The following PDE1A variants were observed in gnomAD, a reference collection of about 807,000 sequenced individuals.
PDE1A encodes the protein dual specificity calcium/calmodulin-dependent 3',5'-cyclic nucleotide phosphodiesterase 1A.
Under a neutral mutation model 61.7 loss-of-function variants are expected in PDE1A, and 35 were observed. The observed-to-expected ratio is 0.57, with a 90% CI of 0.43 to 0.75. PDE1A has a LOEUF of 0.75. Ranked by LOEUF, PDE1A falls within the 30% of genes least tolerant of loss-of-function variation. The pLI is 0.00. For synonymous variants in PDE1A, 232 were observed against 213.2 expected, an observed-to-expected ratio of 1.09 and a Z score of -0.77; for missense variants, 597 against 630.6, an observed-to-expected ratio of 0.95 and a Z score of 0.57.
chr2:182,442,137 A>G lies in PDE1A; in HGVS notation c.101+80139T>C, dbSNP rs180700634. Among the ~76,000 whole-genome samples, 65 of 152,220 alleles carry G rather than the reference A, an allele frequency of 4.3e-4. 1 individual carries two copies. The East Asian group carries it at 9.1e-3, about 21-fold the overall frequency. ...GGAATATTACTGGTATTGCATCACT[A>G]TTAGGACAAACTAGGATTAATTATG... On this transcript the variant is annotated intron_variant, in intron 2 of 14. Transcript: ENST00000410103.
At chr2:182,313,493 T>C (rs1035783466) in intron 1 of PDE1A, among the ~76,000 whole-genome samples, 1 of 152,210 alleles carries the variant, frequency 6.6e-6, no homozygotes, top group Non-Finnish European at 1.5e-5. Flanking sequence ...TCCTTTCTAA[T>C]CCAGATTTTT....
At chr2:182,704,876 C>A in the PDE1A span, among the ~76,000 whole-genome samples, 2 of 152,102 alleles carry the variant, frequency 1.3e-5, no homozygotes, top group Non-Finnish European at 2.9e-5. Context: ...CTCACAAAGC[C>A]CTGGAAAGAA....
intron 1 of PDE1A, among the ~76,000 whole-genome samples, chr2:182,273,889 A>T (rs1262491851): frequency 2.0e-5 from 3 of 152,118 alleles, no homozygotes; most frequent in Non-Finnish European, 4.4e-5. Context: ...AATGGTTAAA[A>T]GTGGTATATT....
At chr2:182,184,035 A>C (rs1458419605) in intron 13 of PDE1A, among the ~76,000 whole-genome samples, 1 of 151,406 alleles carries the variant, frequency 6.6e-6, no homozygotes, top group African/African-American at 2.4e-5. Flanking sequence ...AGAAAGAAAG[A>C]AAGAAAGAAA....
At chr2:182,579,854 G>T in the PDE1A span, among the ~76,000 whole-genome samples, 1 of 152,112 alleles carries the variant, frequency 6.6e-6, no homozygotes, top group Non-Finnish European at 1.5e-5. Context: ...AACACAAATG[G>T]AGGGCATTAA....
intron 2 of PDE1A, among the ~76,000 whole-genome samples, chr2:182,470,693 C>T (rs937820795): frequency 6.6e-6 from 1 of 151,728 alleles, no homozygotes; most frequent in Non-Finnish European, 1.5e-5. Flanking sequence ...GGGAAGAAGT[C>T]ATCCTGTGAA....
intron 2 of PDE1A, among the ~76,000 whole-genome samples, chr2:182,472,179 C>T (rs1687068632): frequency 6.6e-6 from 1 of 151,704 alleles, no homozygotes; most frequent in Non-Finnish European, 1.5e-5. Context: ...AAGGAATGAC[C>T]ATATGATTCA....
chr2:182,715,394 A>T, the PDE1A span, among the ~76,000 whole-genome samples: 2 of 152,082 alleles, frequency 1.3e-5, no homozygotes, highest in African/African-American at 2.4e-5. Context: ...CTTCTTTCCT[A>T]CCAAGTATTA....
At chr2:182,218,558 C>A (rs1688440279) in intron 7 of PDE1A, among the ~76,000 whole-genome samples, 1 of 143,114 alleles carries the variant, frequency 7.0e-6, no homozygotes. Flanking sequence ...ATCTTCCTAA[C>A]TTTTATCTCC....
At chr2:182,282,065 C>T (rs1026567720) in intron 1 of PDE1A, among the ~76,000 whole-genome samples, 2 of 151,922 alleles carry the variant, frequency 1.3e-5, no homozygotes, top group Non-Finnish European at 2.9e-5. Flanking sequence ...AGAATGATGA[C>T]AGTTTAATCT....
At chr2:182,640,197 A>C in the PDE1A span, among the ~76,000 whole-genome samples, 1 of 152,236 alleles carries the variant, frequency 6.6e-6, no homozygotes, top group Admixed American at 6.5e-5. Context: ...AGAACTCAGG[A>C]ATGTTGGTTC....
intron 1 of PDE1A, among the ~76,000 whole-genome samples, chr2:182,400,250 T>C (rs1559421070): frequency 6.6e-6 from 1 of 152,314 alleles, no homozygotes; most frequent in Middle Eastern, 3.4e-3. Flanking sequence ...GAGCAGATCC[T>C]GAGCAAACTG....
intron 7 of PDE1A, among the ~76,000 whole-genome samples, chr2:182,209,294 T>A (rs1687376504): frequency 6.6e-6 from 1 of 151,848 alleles, no homozygotes; most frequent in South Asian, 2.1e-4. Flanking sequence ...TATCCAACCA[T>A]CAAATCTCGT....
intron 7 of PDE1A, among the ~76,000 whole-genome samples, chr2:182,221,890 A>C (rs1370100533): frequency 6.6e-6 from 1 of 152,050 alleles, no homozygotes; most frequent in Non-Finnish European, 1.5e-5. Context: ...TTCTATTTTT[A>C]GATGACGGAT....
intron 1 of PDE1A, among the ~76,000 whole-genome samples, chr2:182,382,383 T>G (rs969721836): frequency 1.3e-5 from 2 of 152,242 alleles, no homozygotes; most frequent in Non-Finnish European, 2.9e-5. Context: ...AGGTAGCCCC[T>G]GACTAACAAC....
At chr2:182,528,320 G>C in the PDE1A span, among the ~76,000 whole-genome samples, 1 of 152,200 alleles carries the variant, frequency 6.6e-6, no homozygotes, top group African/African-American at 2.4e-5. Context: ...TTTTAGCAAA[G>C]AGACTGGTGG....
chr2:182,424,047 C>T (rs913112577), intron 1 of PDE1A, among the ~76,000 whole-genome samples: 26 of 150,746 alleles, frequency 1.7e-4, no homozygotes, highest in African/African-American at 4.7e-4. Context: ...AGAGCTCAAG[C>T]GATTCTCATG....
chr2:182,649,372 T>C, the PDE1A span, among the ~76,000 whole-genome samples: 32 of 152,114 alleles, frequency 2.1e-4, no homozygotes, highest in African/African-American at 7.2e-4. Context: ...AGCCTACAAA[T>C]AGGAATAAAG....
chr2:182,377,610 A>T (rs4643498), intron 1 of PDE1A, among the ~76,000 whole-genome samples: 1 of 151,992 alleles, frequency 6.6e-6, no homozygotes, highest in Non-Finnish European at 1.5e-5. Flanking sequence ...TTACAATTTT[A>T]GAAGTTAGTT....
Sources: gnomAD v4.1 joint callset for allele counts (sites outside exome capture counted in the v4.1 genomes callset) on GRCh38, gnomAD v4.1.1 for gene constraint, MANE v1.5 for transcripts, NCBI Gene and HGNC (gene_info 2026-07-23, HGNC 2026-07-21) for gene names.